Variants in RBFOX1 observed in about 807,000 individuals in gnomAD.
RBFOX1 encodes the protein RNA binding protein fox-1 homolog 1.
In RBFOX1, 8 loss-of-function variants were observed where a neutral mutation model predicts 57.7. That is an observed-to-expected ratio of 0.14 (90% CI 0.08 to 0.25). The LOEUF is 0.25. Ranked by LOEUF, RBFOX1 falls within the 10% of genes least tolerant of loss-of-function variation. The pLI is 1.00. For synonymous variants in RBFOX1, 326 were observed against 222.4 expected (o/e 1.47, Z -4.15); for missense variants, 611 against 548.5 (o/e 1.11, Z -1.14).
intron 1 of RBFOX1, among the ~76,000 whole-genome samples, chr16:6,175,413 C>T (rs11642777): frequency 6.6e-6 from 1 of 151,868 alleles, no homozygotes; most frequent in South Asian, 2.1e-4. Flanking sequence ...ATTACACGTT[C>T]TGCTAGAGCT....
chr16:6,592,209 A>G (rs1334150381), intron 2 of RBFOX1, among the ~76,000 whole-genome samples: 1 of 152,192 alleles, frequency 6.6e-6, no homozygotes, highest in Non-Finnish European at 1.5e-5. Flanking sequence ...CAGAAAATTG[A>G]AAGAATAATA....
At chr16:6,574,922 C>T (rs2153960745) in intron 2 of RBFOX1, among the ~76,000 whole-genome samples, 1 of 151,536 alleles carries the variant, frequency 6.6e-6, no homozygotes, top group South Asian at 2.1e-4. Flanking sequence ...CCTGTAGTCC[C>T]AGCTACTCGG....
chr16:6,746,253 C>G (rs1397311821), intron 3 of RBFOX1, among the ~76,000 whole-genome samples: 1 of 152,082 alleles, frequency 6.6e-6, no homozygotes. Context: ...TCAATAAAAA[C>G]TCCCAAACAT....
chr16:5,792,559 A>G (rs1263373573), intron 3 of RBFOX1, among the ~76,000 whole-genome samples: 2 of 152,238 alleles, frequency 1.3e-5, no homozygotes, highest in Non-Finnish European at 2.9e-5. Flanking sequence ...TATCATAAAT[A>G]TGGCTGGGTG....
At chr16:6,580,107 C>T (rs1306434937) in intron 2 of RBFOX1, among the ~76,000 whole-genome samples, 1 of 151,838 alleles carries the variant, frequency 6.6e-6, no homozygotes, top group Admixed American at 6.6e-5. Context: ...TACAGGTGCC[C>T]ACCACCGCAC....
At chr16:5,728,791 G>T (rs1224949046) in intron 3 of RBFOX1, among the ~76,000 whole-genome samples, 1 of 152,130 alleles carries the variant, frequency 6.6e-6, no homozygotes, top group East Asian at 1.9e-4. Flanking sequence ...TCGCCACTGT[G>T]TTCTGCTGGC....
intron 3 of RBFOX1, among the ~76,000 whole-genome samples, chr16:6,696,079 A>C (rs1397383223): frequency 6.6e-6 from 1 of 152,196 alleles, no homozygotes; most frequent in Non-Finnish European, 1.5e-5. Flanking sequence ...AAACTGTGAA[A>C]ATTGAATTAA....
chr16:7,563,069 T>G (rs2090799041), intron 5 of RBFOX1, among the ~76,000 whole-genome samples: 1 of 152,214 alleles, frequency 6.6e-6, no homozygotes, highest in African/African-American at 2.4e-5. Flanking sequence ...AAAGAAGCTC[T>G]GAGGCCCTCT....
chr16:7,662,397 C>T (rs1027003332), intron 12 of RBFOX1, among the ~76,000 whole-genome samples: 1 of 152,194 alleles, frequency 6.6e-6, no homozygotes, highest in African/African-American at 2.4e-5. Context: ...AAACCTCAGA[C>T]TCCTCCCGAC....
intron 3 of RBFOX1, among the ~76,000 whole-genome samples, chr16:5,756,408 T>A (rs1732113374): frequency 1.3e-5 from 2 of 152,064 alleles, no homozygotes; most frequent in Admixed American, 1.3e-4. Flanking sequence ...ATACCGTTTT[T>A]CTTCTTGCTT....
chr16:6,876,059 G>C (rs118052658), intron 3 of RBFOX1, among the ~76,000 whole-genome samples: 1,829 of 152,034 alleles, frequency 0.012, 21 homozygotes, highest in Non-Finnish European at 0.02. Context: ...TATAGTCCTA[G>C]CATCTCGGGG....
At chr16:6,663,446 G>A (rs1256003980) in intron 3 of RBFOX1, among the ~76,000 whole-genome samples, 1 of 152,168 alleles carries the variant, frequency 6.6e-6, no homozygotes, top group East Asian at 1.9e-4. Context: ...TTGCCCCTGG[G>A]AGTAGGAGTG....
chr16:5,745,898 C>G (rs1288233796), intron 3 of RBFOX1, among the ~76,000 whole-genome samples: 2 of 152,100 alleles, frequency 1.3e-5, no homozygotes, highest in African/African-American at 4.8e-5. Context: ...TGCCTATTGA[C>G]TCTGATGGTA....
chr16:6,052,700 C>T (rs557170539), intron 1 of RBFOX1, among the ~76,000 whole-genome samples: 12 of 151,904 alleles, frequency 7.9e-5, no homozygotes, highest in South Asian at 2.1e-4. Flanking sequence ...AGGAGAATGG[C>T]GTGAACCCGG....
chr16:5,558,725 G>A (rs1446311817), intron 2 of RBFOX1, among the ~76,000 whole-genome samples: 1 of 152,126 alleles, frequency 6.6e-6, no homozygotes. Context: ...CCCCCTCAGA[G>A]TGCAGAGGGT....
intron 2 of RBFOX1, among the ~76,000 whole-genome samples, chr16:6,377,078 G>A (rs1424306937): frequency 1.5e-4 from 23 of 151,638 alleles, no homozygotes; most frequent in Admixed American, 1.4e-3. Context: ...TTCGATACCA[G>A]CCTGGGCAAC....
chr16:6,620,265 T>C (rs956094734), intron 2 of RBFOX1, among the ~76,000 whole-genome samples: 2 of 152,148 alleles, frequency 1.3e-5, no homozygotes, highest in African/African-American at 4.8e-5. Flanking sequence ...ATAATGAAAT[T>C]AAGGCAGAAA....
At position 6,020,009 on chromosome 16, in the gene RBFOX1, T is replaced by A. The variant is rs2152347444; in HGVS notation, c.-127+17T>A. ...GAGTTCTAGGTAAGTCCAGGCGGAGTCATTGCCTCTGCACCCACCCTGACC... is the reference window on the plus strand; with the variant it reads ...GAGTTCTAGGTAAGTCCAGGCGGAGACATTGCCTCTGCACCCACCCTGACC... On this transcript the variant is annotated intron_variant, in intron 1 of 15. Coordinates refer to ENST00000550418, the MANE Select transcript of RBFOX1 (RefSeq NM_018723.4). 2 of 1,506,340 alleles carry A rather than the reference T, an allele frequency of 1.3e-6. No individual in the cohort carries two copies. The highest frequency in any genetic ancestry group is 5.0e-5 in the East Asian group (2 of 39,782). The allele number at this position is 1,506,340 out of a possible 1,614,324, so 93.3% of individuals were successfully genotyped here. A position where few individuals can be genotyped will look rare whatever the true frequency, so the allele number is the denominator to read the frequency against.
chr16:7,068,917 G>T (rs1451537921), intron 4 of RBFOX1, among the ~76,000 whole-genome samples: 1 of 152,172 alleles, frequency 6.6e-6, no homozygotes, highest in African/African-American at 2.4e-5. Context: ...TGATAGTTCT[G>T]TTGATTTCTA....
Sources: gnomAD v4.1 joint callset for allele counts (sites outside exome capture counted in the v4.1 genomes callset) on GRCh38, gnomAD v4.1.1 for gene constraint, MANE v1.5 for transcripts, NCBI Gene and HGNC (gene_info 2026-07-23, HGNC 2026-07-21) for gene names.